The following COL19A1 variants were observed in gnomAD, a reference collection of about 807,000 sequenced individuals.
COL19A1 encodes the protein collagen type XIX alpha 1 chain, also known as collagen alpha-1(XIX) chain.
Under a neutral mutation model 190.2 loss-of-function variants are expected in COL19A1, and 159 were observed. That is an observed-to-expected ratio of 0.84 (90% confidence interval 0.73 to 0.95). COL19A1 has a LOEUF of 0.95. Among genes scored for constraint, COL19A1 ranks in the 40% least tolerant of loss-of-function variants. The probability of loss-of-function intolerance (pLI) is 0.00; values close to 1 mark genes in which losing one functional copy is unlikely to be tolerated. For missense variants in COL19A1, 1,418 were observed against 1,431.9 expected (o/e 0.99, Z 0.16); for synonymous variants, 509 against 458.9 (o/e 1.11, Z -1.39).
At chr6:69,979,227 T>C (rs1246069575) in intron 11 of COL19A1, among the ~76,000 whole-genome samples, 1 of 151,924 alleles carries the variant, frequency 6.6e-6, no homozygotes, top group Non-Finnish European at 1.5e-5. Context: ...CTAAATCTAA[T>C]TTTTTAAATA....
chr6:70,154,759 A>G (rs1787333867), intron 31 of COL19A1, among the ~76,000 whole-genome samples: 2 of 152,186 alleles, frequency 1.3e-5, no homozygotes, highest in Admixed American at 1.3e-4. Context: ...GCCCCTGGCA[A>G]ACCACTAGTG....
Position 69,899,263 on chromosome 6 carries a change from C to G in COL19A1, c.166+241C>G, listed in dbSNP as rs10428870. ...TGCTGCAACCTCCACCTCCTGGGTA[C>G]GAGCAATTCTCCTGCCTCAGCCTCC... On this transcript the variant is annotated intron_variant, in intron 3 of 50. Transcript: ENST00000620364. Among the ~76,000 whole-genome samples the G allele has an allele frequency of 0.15, 23,380 of 150,978 alleles. 2,247 individuals carry two copies. Among genetic ancestry groups the G allele is most frequent in the African/African-American group, 0.26 (10,591 of 41,058 alleles).
chr6:70,059,612 C>T (rs1274759881), intron 14 of COL19A1: 2 of 258,918 alleles, frequency 7.7e-6, no homozygotes, highest in Non-Finnish European at 1.6e-5. Flanking sequence ...GGTTAGCTGG[C>T]TTGGACTATT....
At chr6:69,947,796 A>C (rs1773907482) in intron 9 of COL19A1, among the ~76,000 whole-genome samples, 1 of 151,818 alleles carries the variant, frequency 6.6e-6, no homozygotes, top group Non-Finnish European at 1.5e-5. Context: ...CATTGATGCT[A>C]CTTTTTCCTT....
intron 46 of COL19A1, among the ~76,000 whole-genome samples, chr6:70,185,664 CTAGAATTAATTTCCACTAGAATTAA>C (rs1336154173): frequency 1.3e-5 from 2 of 152,102 alleles, no homozygotes; most frequent in African/African-American, 2.4e-5. Flanking sequence ...TTAACTTCTA[CTAGAATTAATTTCCACTAGAATTAA>C]TAGAATTAAT....
chr6:70,052,173 A>C (rs1780242958), intron 14 of COL19A1, among the ~76,000 whole-genome samples: 1 of 152,170 alleles, frequency 6.6e-6, no homozygotes, highest in African/African-American at 2.4e-5. Context: ...TACTGAGCTA[A>C]CAGTGTACTA....
At chr6:69,990,315 GT>G (rs1276740057) in intron 11 of COL19A1, among the ~76,000 whole-genome samples, 5 of 151,910 alleles carry the variant, frequency 3.3e-5, no homozygotes, top group Admixed American at 1.3e-4. Flanking sequence ...TAAGGCTTTT[GT>G]TTTTACATAA....
At chr6:69,960,637 T>C (rs1774727946) in intron 10 of COL19A1, among the ~76,000 whole-genome samples, 1 of 146,568 alleles carries the variant, frequency 6.8e-6, no homozygotes, top group South Asian at 2.2e-4. Context: ...TTTTTTTTTT[T>C]TTTTTTTTTT....
chr6:70,023,381 C>T (rs1408379869), intron 11 of COL19A1, among the ~76,000 whole-genome samples: 1 of 152,078 alleles, frequency 6.6e-6, no homozygotes, highest in East Asian at 1.9e-4. Context: ...ACTGATCCAC[C>T]GGCCTCGGCC....
chr6:70,148,700 G>A (rs1201658065), intron 27 of COL19A1, among the ~76,000 whole-genome samples: 7 of 152,132 alleles, frequency 4.6e-5, no homozygotes, highest in Admixed American at 4.6e-4. Flanking sequence ...GCCAAGGCAG[G>A]TGGATCACTT....
In COL19A1 at chr6:70,207,338, G is replaced by T; in HGVS notation, c.*64G>T. 8.5e-7 allele frequency: 1 copy of T among 1,180,222 alleles called. No homozygotes were observed. Among genetic ancestry groups the T allele is most frequent in the Non-Finnish European group, 1.1e-6 (1 of 879,352 alleles). The allele number at this position is 1,180,222 out of a possible 1,614,324, so 73.1% of individuals were successfully genotyped here. On this transcript the variant is annotated 3_prime_UTR_variant, in exon 51 of 51. Coordinates refer to ENST00000620364, the MANE Select transcript of COL19A1 (RefSeq NM_001858.6). ...TTGCCACTGGAGCTCTCTTAATACC[G>T]TCAAACCCTCATCATCTGTGGGTTG... is the stretch of plus-strand genomic sequence containing the variant.
At chr6:69,943,586 T>C (rs945686978) in intron 9 of COL19A1, among the ~76,000 whole-genome samples, 24 of 152,288 alleles carry the variant, frequency 1.6e-4, no homozygotes, top group Middle Eastern at 3.4e-3. Flanking sequence ...TTTTTGCATA[T>C]GGTGAGAGAT....
At chr6:69,921,002 A>AT (rs5877231) in intron 4 of COL19A1, among the ~76,000 whole-genome samples, 177 of 532 alleles carry the variant, frequency 0.33, no homozygotes, top group Middle Eastern at 0.5. Flanking sequence ...TCATATATAT[A>AT]TCATATATAT....
chr6:70,007,368 A>G (rs1486069446), intron 11 of COL19A1, among the ~76,000 whole-genome samples: 1 of 152,090 alleles, frequency 6.6e-6, no homozygotes, highest in Non-Finnish European at 1.5e-5. Flanking sequence ...AACAGGTTGA[A>G]AGTTAAAGGA....
intron 15 of COL19A1, among the ~76,000 whole-genome samples, chr6:70,092,127 C>CAGAAG (rs1430452063): frequency 6.6e-6 from 1 of 152,066 alleles, no homozygotes; most frequent in East Asian, 1.9e-4. Flanking sequence ...GGATAAGTAT[C>CAGAAG]AGAAGAGAAG....
rs2487439 is a variant in COL19A1 at position 69,879,831 on chromosome 6, A to G, written c.91+173A>G. 0.1 allele frequency: 62,603 copies of G among 621,942 alleles called. 3,567 individuals carry two copies. The highest frequency in any genetic ancestry group is 0.13 in the Middle Eastern group (361 of 2,792). 38.5% of individuals were successfully genotyped at this position (621,942 alleles called of 1,614,324 possible). ...CCCATGATGCACATTAGGAATTCCTAAAATTACCTCATTTTTTTCATACGC... is the reference window on the plus strand; with the variant it reads ...CCCATGATGCACATTAGGAATTCCTGAAATTACCTCATTTTTTTCATACGC... On this transcript the variant is annotated intron_variant, in intron 2 of 50. Coordinates refer to ENST00000620364, the MANE Select transcript of COL19A1 (RefSeq NM_001858.6).
intron 30 of COL19A1, 122 bp from the exon 31 acceptor site, chr6:70,151,274 TA>T: frequency 1.2e-6 from 1 of 861,032 alleles, no homozygotes. Context: ...CCAGTGATTC[TA>T]AAGTGAGACA....
chr6:70,136,015 G>C (rs1188580094), intron 18 of COL19A1, among the ~76,000 whole-genome samples: 1 of 152,128 alleles, frequency 6.6e-6, no homozygotes, highest in Non-Finnish European at 1.5e-5. Context: ...ATACCTTAAA[G>C]GTAACTTGAC....
At chr6:70,199,062 G>A (rs750650813) in intron 48 of COL19A1, among the ~76,000 whole-genome samples, 20 of 152,154 alleles carry the variant, frequency 1.3e-4, no homozygotes, top group Non-Finnish European at 2.9e-4. Context: ...AGGAAGCCAC[G>A]ATGTCTTTTA....
Sources: allele counts gnomAD v4.1 joint callset (sites outside exome capture counted in the v4.1 genomes callset), GRCh38; gene constraint gnomAD v4.1.1; transcripts MANE v1.5; gene names NCBI Gene and HGNC (gene_info 2026-07-23, HGNC 2026-07-21).